STX18: variants seen among roughly 807,000 people sequenced by gnomAD.
STX18 encodes the protein syntaxin-18.
In STX18, 40 loss-of-function variants were observed where a neutral mutation model predicts 50.1. The observed-to-expected ratio is 0.80, with a 90% CI of 0.62 to 1.04. The LOEUF (loss-of-function observed/expected upper bound fraction) is 1.04. Among genes scored for constraint, STX18 ranks in the 50% least tolerant of loss-of-function variants. STX18 has a pLI of 0.00. For missense variants in STX18, 410 were observed against 415.8 expected (o/e 0.99, Z 0.12); for synonymous variants, 158 against 151.8 (o/e 1.04, Z -0.30).
intron 7 of STX18, among the ~76,000 whole-genome samples, chr4:4,428,904 A>G (rs1725387404): frequency 6.6e-6 from 1 of 152,204 alleles, no homozygotes; most frequent in Non-Finnish European, 1.5e-5. Flanking sequence ...TGAGAGGCCT[A>G]GATGGTGGGT....
At chr4:4,464,920 GTC>G (rs1727549244) in intron 2 of STX18, among the ~76,000 whole-genome samples, 1 of 149,976 alleles carries the variant, frequency 6.7e-6, no homozygotes, top group Admixed American at 6.6e-5. Context: ...TTTTGTGTGT[GTC>G]TCTATCTCCT....
intron 1 of STX18, among the ~76,000 whole-genome samples, chr4:4,515,830 C>A (rs922949547): frequency 2.0e-5 from 3 of 152,046 alleles, no homozygotes; most frequent in South Asian, 2.1e-4. Flanking sequence ...CTGGTAAAAT[C>A]CCCTCCCCAA....
chr4:4,526,268 T>A (rs1231275589), intron 1 of STX18, among the ~76,000 whole-genome samples: 1 of 152,120 alleles, frequency 6.6e-6, no homozygotes, highest in African/African-American at 2.4e-5. Flanking sequence ...AGCAGCAGAA[T>A]GGATGAGACG....
chr4:4,439,661 A>T (rs1481355553), intron 5 of STX18, among the ~76,000 whole-genome samples: 1 of 151,606 alleles, frequency 6.6e-6, no homozygotes, highest in Non-Finnish European at 1.5e-5. Context: ...CCACACACGT[A>T]TATGTTCTAA....
intron 1 of STX18, among the ~76,000 whole-genome samples, chr4:4,503,314 C>T (rs1459845562): frequency 1.3e-5 from 2 of 152,158 alleles, no homozygotes; most frequent in South Asian, 2.1e-4. Flanking sequence ...TATTCATCTA[C>T]TTGCACACAA....
chr4:4,473,566 T>C (rs1728031173), intron 1 of STX18, among the ~76,000 whole-genome samples: 2 of 152,142 alleles, frequency 1.3e-5, no homozygotes, highest in African/African-American at 4.8e-5. Context: ...GTGCTGGCAT[T>C]ATAGGCGTGA....
At chr4:4,465,153 T>C (rs971296851) in intron 2 of STX18, among the ~76,000 whole-genome samples, 4 of 152,146 alleles carry the variant, frequency 2.6e-5, no homozygotes, top group African/African-American at 4.8e-5. Flanking sequence ...GGTGGGAGCA[T>C]AAATTAGTTC....
intron 1 of STX18, among the ~76,000 whole-genome samples, chr4:4,522,291 T>C (rs963829611): frequency 4.6e-5 from 7 of 152,192 alleles, no homozygotes; most frequent in African/African-American, 1.7e-4. Flanking sequence ...CTTAGCAATA[T>C]ACTCACACCC....
chr4:4,537,126 G>A (rs1274969771), intron 1 of STX18, among the ~76,000 whole-genome samples: 1 of 152,096 alleles, frequency 6.6e-6, no homozygotes, highest in East Asian at 1.9e-4. Flanking sequence ...AGCCCCCCCT[G>A]GCTCCTGTAA....
intron 1 of STX18, among the ~76,000 whole-genome samples, chr4:4,511,757 TG>T: frequency 7.4e-6 from 1 of 134,500 alleles, no homozygotes; most frequent in East Asian, 2.0e-4. Flanking sequence ...TGTGTGTGTG[TG>T]TGTATGCCCC....
At chr4:4,443,602 G>C (rs1726233439) in intron 5 of STX18, among the ~76,000 whole-genome samples, 2 of 152,104 alleles carry the variant, frequency 1.3e-5, no homozygotes, top group Admixed American at 6.5e-5. Context: ...TACAAGAAGA[G>C]AAAATTAGAC....
intron 1 of STX18, among the ~76,000 whole-genome samples, chr4:4,499,203 C>A (rs928838161): frequency 1.3e-5 from 2 of 152,138 alleles, no homozygotes; most frequent in Admixed American, 6.5e-5. Context: ...ATTTGAAACA[C>A]AACTCTAAAC....
intron 5 of STX18, chr4:4,453,636 G>A (rs1726895792): frequency 1.0e-6 from 1 of 976,170 alleles, no homozygotes; most frequent in South Asian, 4.7e-5. Context: ...ATATCTCCGA[G>A]GTACGCCTGT....
intron 1 of STX18, among the ~76,000 whole-genome samples, chr4:4,510,536 C>A (rs147263843): frequency 1.3e-5 from 2 of 152,090 alleles, no homozygotes; most frequent in Non-Finnish European, 2.9e-5. Flanking sequence ...GAAATAGGAA[C>A]GTTTTTACAC....
chr4:4,531,558 C>T (rs1278405921), intron 1 of STX18, among the ~76,000 whole-genome samples: 2 of 152,174 alleles, frequency 1.3e-5, no homozygotes, highest in African/African-American at 4.8e-5. Flanking sequence ...GCCACAGCAC[C>T]TCCCCGTTTC....
At chr4:4,541,533 G>C (rs1731594949) in intron 1 of STX18, among the ~76,000 whole-genome samples, 1 of 152,182 alleles carries the variant, frequency 6.6e-6, no homozygotes, top group Non-Finnish European at 1.5e-5. Flanking sequence ...TTTCCAGATA[G>C]AGATTTCTGA....
At chr4:4,491,112 T>C (rs1056290822) in intron 1 of STX18, among the ~76,000 whole-genome samples, 4 of 142,934 alleles carry the variant, frequency 2.8e-5, no homozygotes, top group African/African-American at 5.3e-5. Flanking sequence ...AATTTTCTTG[T>C]CTCTTAAAAA....
intron 5 of STX18, among the ~76,000 whole-genome samples, chr4:4,439,059 C>G (rs1725947416): frequency 6.7e-6 from 1 of 149,502 alleles, no homozygotes. Context: ...TACCCTCCCA[C>G]ATATATACCC....
intron 5 of STX18, 102 bp from the exon 6 acceptor site, chr4:4,438,611 C>T: frequency 1.1e-6 from 1 of 913,568 alleles, no homozygotes; most frequent in Admixed American, 2.2e-5. Context: ...TGCTCTGTGT[C>T]CCTGTACTGG....
Sources: allele counts gnomAD v4.1 joint callset (sites outside exome capture counted in the v4.1 genomes callset), GRCh38; gene constraint gnomAD v4.1.1; transcripts MANE v1.5; gene names NCBI Gene and HGNC (gene_info 2026-07-23, HGNC 2026-07-21).